CRADD: variants seen among roughly 807,000 people sequenced by gnomAD.
The protein encoded by CRADD is CARD and death domain containing adaptor protein.
In CRADD, 9 loss-of-function variants were observed where a neutral mutation model predicts 15.5. The ratio of observed to expected loss-of-function variants is 0.58; its 90% CI spans 0.35 to 1.01. The LOEUF is 1.01. Ranked by LOEUF, CRADD falls within the 50% of genes least tolerant of loss-of-function variation. The pLI, the probability that CRADD is intolerant of heterozygous loss-of-function variation, is 0.02. For missense variants in CRADD, 227 were observed against 250.3 expected (o/e 0.91, Z 0.63); for synonymous variants, 118 against 107.6 (o/e 1.10, Z -0.60).
At chr12:93,885,320 A>G (rs955024362) in intron 2 of CRADD, among the ~76,000 whole-genome samples, 5 of 152,186 alleles carry the variant, frequency 3.3e-5, no homozygotes, top group Non-Finnish European at 5.9e-5. Context: ...CATTAAACCA[A>G]AGATCCACTT....
chr12:93,783,354 A>T (rs996289796), intron 2 of CRADD, among the ~76,000 whole-genome samples: 4 of 150,960 alleles, frequency 2.6e-5, no homozygotes, highest in Non-Finnish European at 5.9e-5. Flanking sequence ...CCAAAATCTG[A>T]GCTCTTTTGT....
chr12:93,722,064 A>G (rs1371292157), intron 2 of CRADD, among the ~76,000 whole-genome samples: 1 of 152,206 alleles, frequency 6.6e-6, no homozygotes, highest in Non-Finnish European at 1.5e-5. Context: ...TTAGTCTGAG[A>G]AAGTCGTTAT....
chr12:93,744,350 G>A (rs947406500), intron 2 of CRADD, among the ~76,000 whole-genome samples: 1 of 152,192 alleles, frequency 6.6e-6, no homozygotes, highest in African/African-American at 2.4e-5. Flanking sequence ...TCTTCTAGAG[G>A]TTGCCCATCT....
intron 2 of CRADD, among the ~76,000 whole-genome samples, chr12:93,779,955 T>C (rs1342065342): frequency 6.6e-6 from 1 of 152,134 alleles, no homozygotes; most frequent in East Asian, 1.9e-4. Flanking sequence ...GTATAGAAGA[T>C]TGAAAGACAA....
intron 2 of CRADD, among the ~76,000 whole-genome samples, chr12:93,684,820 C>T (rs762439840): frequency 1.3e-5 from 2 of 152,204 alleles, no homozygotes; most frequent in East Asian, 3.9e-4. Flanking sequence ...GAGGGGACCA[C>T]AAATACACAG....
At chr12:93,789,306 A>G (rs1957322944) in intron 2 of CRADD, among the ~76,000 whole-genome samples, 1 of 152,094 alleles carries the variant, frequency 6.6e-6, no homozygotes, top group Admixed American at 6.6e-5. Flanking sequence ...TTCAGGGGAA[A>G]GGTGGTCCAT....
intron 2 of CRADD, among the ~76,000 whole-genome samples, chr12:93,808,399 G>C (rs948957189): frequency 6.6e-6 from 1 of 152,112 alleles, no homozygotes; most frequent in African/African-American, 2.4e-5. Flanking sequence ...GATCTCTCGA[G>C]ACTTATTCAC....
At chr12:93,693,080 AC>A (rs1204604528) in intron 2 of CRADD, among the ~76,000 whole-genome samples, 1 of 152,164 alleles carries the variant, frequency 6.6e-6, no homozygotes, top group South Asian at 2.1e-4. Context: ...TAAAACAAAA[AC>A]CTATGGTATA....
At chr12:93,844,354 G>A (rs753387214) in intron 2 of CRADD, among the ~76,000 whole-genome samples, 1 of 152,114 alleles carries the variant, frequency 6.6e-6, no homozygotes, top group Non-Finnish European at 1.5e-5. Context: ...CGAACTGAAC[G>A]GGTCTCATGA....
At chr12:93,801,992 G>A (rs1430901270) in intron 2 of CRADD, among the ~76,000 whole-genome samples, 1 of 152,152 alleles carries the variant, frequency 6.6e-6, no homozygotes, top group Non-Finnish European at 1.5e-5. Context: ...ATGGCCTCCA[G>A]CTCCATCCAA....
At chr12:93,865,830 T>C (rs562666267) in intron 2 of CRADD, among the ~76,000 whole-genome samples, 1 of 152,132 alleles carries the variant, frequency 6.6e-6, no homozygotes, top group Admixed American at 6.5e-5. Context: ...TGTTATTTTT[T>C]TCAGTATATT....
At chr12:93,772,608 G>T (rs1176731524) in intron 2 of CRADD, among the ~76,000 whole-genome samples, 1 of 152,174 alleles carries the variant, frequency 6.6e-6, no homozygotes, top group African/African-American at 2.4e-5. Context: ...CACTCTTAAT[G>T]ATGTTAGATT....
At chr12:93,741,986 C>T (rs1038668461) in intron 2 of CRADD, among the ~76,000 whole-genome samples, 81 of 152,226 alleles carry the variant, frequency 5.3e-4, no homozygotes, top group African/African-American at 1.9e-3. Flanking sequence ...GATTTGCTAG[C>T]CATTGTTATG....
downstream of CRADD, among the ~76,000 whole-genome samples, chr12:93,851,582 G>A (rs376155105): frequency 1.3e-5 from 2 of 152,178 alleles, no homozygotes; most frequent in African/African-American, 2.4e-5. Context: ...TTAATTTGCC[G>A]CCACTGTGGC....
chr12:93,678,296 T>C (rs1955204015), intron 1 of CRADD, among the ~76,000 whole-genome samples: 1 of 152,182 alleles, frequency 6.6e-6, no homozygotes, highest in Non-Finnish European at 1.5e-5. Flanking sequence ...TTGCAAATAC[T>C]TGTGATCAAA....
At chr12:93,790,473 A>T (rs758232932) in intron 2 of CRADD, among the ~76,000 whole-genome samples, 25 of 137,080 alleles carry the variant, frequency 1.8e-4, no homozygotes, top group African/African-American at 2.8e-4. Flanking sequence ...ATAATAATAA[A>T]AAAAAAAGAA....
intron 2 of CRADD, among the ~76,000 whole-genome samples, chr12:93,834,094 A>G (rs1957946606): frequency 6.6e-6 from 1 of 152,228 alleles, no homozygotes. Flanking sequence ...AACACAGCAC[A>G]GAGTGCAGAG....
At chr12:93,756,933 G>T (rs1305614436) in intron 2 of CRADD, among the ~76,000 whole-genome samples, 1 of 152,210 alleles carries the variant, frequency 6.6e-6, no homozygotes, top group Non-Finnish European at 1.5e-5. Context: ...ACCCGCCACT[G>T]ACAGAAATGA....
In CRADD at chr12:93,680,784, G is replaced by A. The variant is rs1374470153; in HGVS notation, c.298+1712G>A. On this transcript the variant is annotated intron_variant, in intron 2 of 2. Transcript: ENST00000332896. ...CATATAGTTGGAAACAACAAAACAG[G>A]TGAACTGAAAGCCTTTCACTATCAA... Among the ~76,000 whole-genome samples the A allele has an allele frequency of 5.3e-5, 8 of 152,162 alleles. No homozygotes were observed. The East Asian group carries it at 1.5e-3, about 29-fold the overall frequency.
Sources: gnomAD v4.1 joint callset for allele counts (sites outside exome capture counted in the v4.1 genomes callset) on GRCh38, gnomAD v4.1.1 for gene constraint, MANE v1.5 for transcripts, NCBI Gene and HGNC (gene_info 2026-07-23, HGNC 2026-07-21) for gene names.